The following ITGA9 variants were observed in gnomAD, a reference collection of about 807,000 sequenced individuals.
The protein encoded by ITGA9 is integrin alpha-9.
Under a neutral mutation model 127.8 loss-of-function variants are expected in ITGA9, and 56 were observed. The ratio of observed to expected loss-of-function variants is 0.44; its 90% CI spans 0.35 to 0.55. The LOEUF is 0.55. Ranked by LOEUF, ITGA9 falls within the 20% of genes least tolerant of loss-of-function variation. The pLI, the probability that ITGA9 is intolerant of heterozygous loss-of-function variation, is 0.00. For missense variants in ITGA9, 1,196 were observed against 1,347.1 expected, an observed-to-expected ratio of 0.89 and a Z score of 1.76; for synonymous variants, 508 against 514.5, an observed-to-expected ratio of 0.99 and a Z score of 0.17.
chr3:37,540,313 T>G (rs1262866161), intron 14 of ITGA9, among the ~76,000 whole-genome samples: 5 of 152,242 alleles, frequency 3.3e-5, no homozygotes, highest in Admixed American at 3.3e-4. Context: ...TGGCTTGTCT[T>G]CCAGCAATGT....
At chr3:37,818,083 G>GT (rs201912295) in intron 27 of ITGA9, among the ~76,000 whole-genome samples, 1,668 of 150,478 alleles carry the variant, frequency 0.011, 24 homozygotes, top group African/African-American at 0.038. Context: ...AAGATACTAG[G>GT]TTTATCAAAA....
chr3:37,790,781 A>G (rs1697099595), intron 26 of ITGA9: 1 of 152,974 alleles, frequency 6.5e-6, no homozygotes, highest in Non-Finnish European at 1.5e-5. Context: ...TGCAGAATCA[A>G]AGTGCTGGTT....
chr3:37,815,194 A>G (rs1400984520), intron 27 of ITGA9, among the ~76,000 whole-genome samples: 2 of 152,266 alleles, frequency 1.3e-5, no homozygotes, highest in African/African-American at 4.8e-5. Flanking sequence ...GCCACATGTA[A>G]GAGTGAGTTC....
intron 14 of ITGA9, among the ~76,000 whole-genome samples, chr3:37,538,543 A>G (rs1362018391): frequency 6.6e-6 from 1 of 152,266 alleles, no homozygotes; most frequent in African/African-American, 2.4e-5. Context: ...GGGGCTGGCC[A>G]GGCTGGCTTA....
chr3:37,818,304 G>A (rs375181591), intron 27 of ITGA9: 35 of 131,466 alleles, frequency 2.7e-4, no homozygotes, highest in African/African-American at 8.5e-4. Context: ...CTGTCGCCCA[G>A]GCTGGAGTGC....
Position 37,629,166 on chromosome 3 carries a change from C to G in ITGA9, c.1690-21C>G. 6.2e-7 allele frequency: 1 copy of G among 1,611,986 alleles called. No individual in the cohort carries two copies. Among genetic ancestry groups the G allele is most frequent in the Non-Finnish European group, 8.5e-7 (1 of 1,179,738 alleles). ...TCAGCCAGGATTAGTAGTTAATGCA[C>G]GTATTTGTTTATTGTTTCAGCGGAG... On this transcript the variant is annotated intron_variant, in intron 15 of 27. Transcript: ENST00000264741. The surrounding 1 kb of genome is among the most constrained non-coding windows in gnomAD (Gnocchi z 4.5).
Position 37,696,318 on chromosome 3 carries a change from A to G in ITGA9, c.2067+12303A>G, listed in dbSNP as rs182203812. 4.7e-3 allele frequency among the ~76,000 whole-genome samples: 720 copies of G among 152,334 alleles called. 9 individuals are homozygous for G. The highest frequency in any genetic ancestry group is 0.03 in the South Asian group (143 of 4,824). On this transcript the variant is annotated intron_variant, in intron 18 of 27. Transcript: ENST00000264741. ...CCTGAGATACGTAGCAGAACTGGGG[A>G]AGGACTGCCCAGTGAGTCTACTCCC...
At chr3:37,608,664 A>G (rs1699990767) in intron 15 of ITGA9, among the ~76,000 whole-genome samples, 1 of 152,206 alleles carries the variant, frequency 6.6e-6, no homozygotes, top group South Asian at 2.1e-4. Flanking sequence ...CTCTCTTCCA[A>G]TAAAAGGCTT....
intron 15 of ITGA9, among the ~76,000 whole-genome samples, chr3:37,554,626 C>T (rs1297684450): frequency 6.6e-6 from 1 of 152,052 alleles, no homozygotes; most frequent in African/African-American, 2.4e-5. Context: ...AAGAGGGTGG[C>T]TCCACTGGGG....
chr3:37,463,177 T>C (rs1698334076), intron 1 of ITGA9, among the ~76,000 whole-genome samples: 1 of 152,216 alleles, frequency 6.6e-6, no homozygotes, highest in South Asian at 2.1e-4. Flanking sequence ...TAGTGGGCGA[T>C]GGAATTACCA....
chr3:37,622,637 G>A (rs1700138966), intron 15 of ITGA9, among the ~76,000 whole-genome samples: 1 of 152,082 alleles, frequency 6.6e-6, no homozygotes, highest in Non-Finnish European at 1.5e-5. Flanking sequence ...GAGATTAGGA[G>A]TTTGAGATCA....
chr3:37,564,755 C>T (rs1030820161), intron 15 of ITGA9, among the ~76,000 whole-genome samples: 1 of 152,216 alleles, frequency 6.6e-6, no homozygotes, highest in African/African-American at 2.4e-5. Context: ...AGCCCTGGGG[C>T]TTACCCTGAA....
At chr3:37,577,097 G>T (rs916007820) in intron 15 of ITGA9, among the ~76,000 whole-genome samples, 1 of 152,192 alleles carries the variant, frequency 6.6e-6, no homozygotes, top group Non-Finnish European at 1.5e-5. Context: ...TGGCACAGGT[G>T]GTCAGTGGGG....
At chr3:37,720,978 C>T (rs1013267378) in intron 18 of ITGA9, among the ~76,000 whole-genome samples, 1 of 152,100 alleles carries the variant, frequency 6.6e-6, no homozygotes, top group African/African-American at 2.4e-5. Context: ...TCCTCAGGGC[C>T]AAGTGGACTC....
chr3:37,686,169 C>A (rs149963904), intron 18 of ITGA9, among the ~76,000 whole-genome samples: 1 of 152,084 alleles, frequency 6.6e-6, no homozygotes, highest in East Asian at 1.9e-4. Flanking sequence ...TTTTGCATCT[C>A]GTCCGCATCC....
chr3:37,493,020 ACTGGACTG>A (rs1157965090), intron 4 of ITGA9, among the ~76,000 whole-genome samples: 1 of 152,200 alleles, frequency 6.6e-6, no homozygotes, highest in Non-Finnish European at 1.5e-5. Flanking sequence ...TCCTTTTGTC[ACTGGACTG>A]CTTTCTGGCA....
intron 15 of ITGA9, among the ~76,000 whole-genome samples, chr3:37,623,259 G>A (rs1039284339): frequency 2.0e-5 from 3 of 152,180 alleles, no homozygotes; most frequent in Admixed American, 6.5e-5. Context: ...CAATTGTGGC[G>A]TACAGTAAAC....
intron 16 of ITGA9, among the ~76,000 whole-genome samples, chr3:37,642,595 T>C (rs886834268): frequency 3.9e-5 from 6 of 152,228 alleles, no homozygotes; most frequent in Non-Finnish European, 8.8e-5. Flanking sequence ...GAGCATGATG[T>C]GTGATTTGCA....
At chr3:37,552,254 C>T (rs1699385550) in intron 15 of ITGA9, among the ~76,000 whole-genome samples, 1 of 152,088 alleles carries the variant, frequency 6.6e-6, no homozygotes, top group African/African-American at 2.4e-5. Flanking sequence ...ACACTTATTC[C>T]TCTGTCATGT....
Sources: gnomAD v4.1 joint callset for allele counts (sites outside exome capture counted in the v4.1 genomes callset) on GRCh38, gnomAD v4.1.1 for gene constraint, Gnocchi (gnomAD v3.1) non-coding constraint, MANE v1.5 for transcripts, NCBI Gene and HGNC (gene_info 2026-07-23, HGNC 2026-07-21) for gene names.